The following INO80 variants were observed in gnomAD, a reference collection of about 807,000 sequenced individuals.
INO80 encodes the protein chromatin-remodeling ATPase INO80.
INO80 carries 20 observed loss-of-function variants against 203.4 expected under a neutral mutation model. The observed-to-expected ratio is 0.10, with a 90% CI of 0.07 to 0.14. The LOEUF (loss-of-function observed/expected upper bound fraction) is 0.14, where lower values mean the gene tolerates loss of function less well. INO80 is among the 10% of genes least tolerant of loss of function. The probability of loss-of-function intolerance (pLI) is 1.00; values close to 1 mark genes in which losing one functional copy is unlikely to be tolerated. For synonymous variants in INO80, 726 were observed against 685.2 expected (o/e 1.06, Z -0.93); for missense variants, 1,419 against 1,914.4 (o/e 0.74, Z 4.83).
At chr15:41,056,050 C>G (rs763240790) in intron 17 of INO80, among the ~76,000 whole-genome samples, 1 of 147,160 alleles carries the variant, frequency 6.8e-6, no homozygotes, top group African/African-American at 2.5e-5. Flanking sequence ...TTCAAGCAAT[C>G]ATCCCAACTC....
Position 41,070,458 on chromosome 15 carries a change from T to C in INO80, c.1686+9A>G. ...GAGAAATGAAGATAGAAAGATTGCA[T>C]CTACCCACCTCAGCCAGATGGGCCA... On this transcript the variant is annotated intron_variant, in intron 13 of 35. Transcript: ENST00000648947. 1 of 1,610,126 alleles carries C rather than the reference T, an allele frequency of 6.2e-7. No homozygotes were observed.
intron 28 of INO80, among the ~76,000 whole-genome samples, chr15:41,003,063 T>C (rs1295645289): frequency 2.6e-5 from 4 of 151,990 alleles, no homozygotes; most frequent in African/African-American, 9.7e-5. Context: ...GAGGTTGCAG[T>C]GAGCCAAGAT....
chr15:40,994,833 T>C (rs1359998607), intron 29 of INO80, among the ~76,000 whole-genome samples: 2 of 152,166 alleles, frequency 1.3e-5, no homozygotes, highest in Admixed American at 6.5e-5. Flanking sequence ...CATTAAACAT[T>C]TGTTGAATGA....
intron 28 of INO80, among the ~76,000 whole-genome samples, chr15:40,998,896 G>A (rs1040170026): frequency 2.0e-5 from 3 of 151,476 alleles, no homozygotes; most frequent in Non-Finnish European, 4.4e-5. Context: ...CTCAGGTGAT[G>A]CACGTGCCTC....
intron 1 of INO80, among the ~76,000 whole-genome samples, chr15:41,112,385 C>A (rs1033446952): frequency 6.6e-5 from 10 of 152,162 alleles, no homozygotes; most frequent in Non-Finnish European, 1.2e-4. Flanking sequence ...ATCTACCATA[C>A]TCACTGACTC....
At chr15:40,990,419 G>A (rs2043801542) in intron 29 of INO80, among the ~76,000 whole-genome samples, 2 of 152,106 alleles carry the variant, frequency 1.3e-5, no homozygotes, top group African/African-American at 4.8e-5. Flanking sequence ...GAAGTACAGT[G>A]GCATGATCTT....
rs139737129 is a variant in INO80, at chr15:41,100,794, T to C, written c.-43-4441A>G. ...TTCAGTGGCATTATATACATTCACA[T>C]TGTTGTGCAACCATTACTACCATTC... On this transcript the variant is annotated intron_variant, in intron 1 of 35. Coordinates refer to ENST00000648947, the MANE Select transcript of INO80 (RefSeq NM_017553.3). Among the ~76,000 whole-genome samples, 57 of 152,182 alleles carry C rather than the reference T, an allele frequency of 3.7e-4. 1 individual carries two copies. Among genetic ancestry groups the C allele is most frequent in the Non-Finnish European group, 5.9e-4 (40 of 68,010 alleles).
intron 9 of INO80, among the ~76,000 whole-genome samples, chr15:41,078,316 A>G (rs368063805): frequency 3.3e-5 from 5 of 152,208 alleles, no homozygotes; most frequent in Admixed American, 6.5e-5. Flanking sequence ...AGAAAAATGC[A>G]TAAGTCAGCA....
chr15:41,022,374 C>G (rs2044307717), intron 25 of INO80, among the ~76,000 whole-genome samples: 1 of 152,120 alleles, frequency 6.6e-6, no homozygotes, highest in Non-Finnish European at 1.5e-5. Context: ...GTTGATCAAG[C>G]TTTAGGGAAA....
chr15:40,993,044 A>G (rs1360693575), intron 29 of INO80, among the ~76,000 whole-genome samples: 2 of 152,100 alleles, frequency 1.3e-5, no homozygotes, highest in East Asian at 3.9e-4. Context: ...ATCCACCCAC[A>G]TCGGCCTCCC....
intron 10 of INO80, among the ~76,000 whole-genome samples, chr15:41,073,742 G>A (rs973120995): frequency 1.3e-5 from 2 of 152,118 alleles, no homozygotes; most frequent in Non-Finnish European, 2.9e-5. Flanking sequence ...CTGCCTCTCA[G>A]TACTGGGGTT....
intron 4 of INO80, among the ~76,000 whole-genome samples, chr15:41,094,151 A>G (rs2045684999): frequency 6.6e-6 from 1 of 152,218 alleles, no homozygotes; most frequent in Non-Finnish European, 1.5e-5. Context: ...TAATCTTGTA[A>G]GAGTGTAAAT....
chr15:41,069,948 T>C (rs2045284261), intron 13 of INO80, among the ~76,000 whole-genome samples: 2 of 152,248 alleles, frequency 1.3e-5, no homozygotes, highest in South Asian at 4.1e-4. Flanking sequence ...TATTGTTTTC[T>C]ACTATACTAG....
chr15:41,022,111 A>G lies in INO80; in HGVS notation c.3049-986T>C, dbSNP rs114889835. Reference sequence around the variant, plus strand: ...TGAGTGCCTACATGATGCACTAAGGAAATGCTCATTGGAGCATTTTGGGTT... The same window carrying G: ...TGAGTGCCTACATGATGCACTAAGGGAATGCTCATTGGAGCATTTTGGGTT... On this transcript the variant is annotated intron_variant, in intron 25 of 35. Coordinates refer to ENST00000648947, the MANE Select transcript of INO80 (RefSeq NM_017553.3). Among the ~76,000 whole-genome samples the G allele has an allele frequency of 2.0e-3, 298 of 152,344 alleles. 1 individual carries two copies. The highest frequency in any genetic ancestry group is 7.0e-3 in the African/African-American group (292 of 41,584).
rs117548101 is a variant in INO80 at position 40,985,429 on chromosome 15, A to G, written c.3833-3T>C. The stretch of plus-strand genomic sequence containing the variant: ...TTTCTCTTCCTGCCGCAGCCTCACT[A>G]TCAAGAAAATGAATTAAGACCTGAT... On this transcript the variant is annotated splice_region_variant and splice_polypyrimidine_tract_variant and intron_variant, in intron 31 of 35. Transcript: ENST00000648947. 2.2e-4 allele frequency: 348 copies of G among 1,610,336 alleles called. 3 individuals carry two copies. In the East Asian group the frequency reaches 7.4e-3, roughly 34 times the overall value.
intron 13 of INO80, among the ~76,000 whole-genome samples, chr15:41,070,253 T>G (rs1418224977): frequency 1.3e-5 from 2 of 152,022 alleles, no homozygotes; most frequent in Non-Finnish European, 2.9e-5. Context: ...CGGAAAGGAG[T>G]GTCTCAAAAT....
chr15:41,094,556 G>A (rs142425709), intron 4 of INO80, among the ~76,000 whole-genome samples: 13 of 152,200 alleles, frequency 8.5e-5, no homozygotes, highest in African/African-American at 2.9e-4. Context: ...AACCATAATC[G>A]TACCTGGCAC....
At chr15:41,048,329 G>A in intron 21 of INO80, 53 bp from the exon 22 acceptor site, 2 of 1,356,528 alleles carry the variant, frequency 1.5e-6, no homozygotes, top group African/African-American at 1.4e-5. Context: ...ATAATGGAAA[G>A]TTAACTAGAC....
intron 29 of INO80, among the ~76,000 whole-genome samples, chr15:40,996,254 T>C (rs767620216): frequency 6.6e-6 from 1 of 152,238 alleles, no homozygotes; most frequent in African/African-American, 2.4e-5. Context: ...TTACGTATTT[T>C]TAAATCTCAA....
Sources: allele counts gnomAD v4.1 joint callset (sites outside exome capture counted in the v4.1 genomes callset), GRCh38; gene constraint gnomAD v4.1.1; transcripts MANE v1.5; gene names NCBI Gene and HGNC (gene_info 2026-07-23, HGNC 2026-07-21).